Variants in ASPRV1 observed in about 807,000 individuals in gnomAD.
ASPRV1 encodes retroviral-like aspartic protease 1.
In ASPRV1, 7 loss-of-function variants were observed where a neutral mutation model predicts 11.0. The observed-to-expected ratio is 0.64, with a 90% CI of 0.36 to 1.20. The LOEUF (loss-of-function observed/expected upper bound fraction) is 1.20, where lower values mean the gene tolerates loss of function less well. ASPRV1 is among the 50% of genes most tolerant of loss of function. The pLI is 0.02. For missense variants in ASPRV1, 299 were observed against 320.0 expected (o/e 0.93, Z 0.50); for synonymous variants, 136 against 138.4 (o/e 0.98, Z 0.12).
At chr2:69,936,999 C>A in the ASPRV1 span, 1 of 635,916 alleles carries the variant, frequency 1.6e-6, no homozygotes, top group East Asian at 3.4e-5. Flanking sequence ...GAGAGCTCAC[C>A]CCCAGAATCC....
the ASPRV1 span, among the ~76,000 whole-genome samples, chr2:70,006,489 G>C: frequency 6.6e-6 from 1 of 152,134 alleles, no homozygotes; most frequent in Non-Finnish European, 1.5e-5. Flanking sequence ...TCAAACTTAG[G>C]AGACCAAGAG....
the ASPRV1 span, among the ~76,000 whole-genome samples, chr2:69,989,642 G>A: frequency 1.8e-3 from 279 of 152,358 alleles, no homozygotes; most frequent in African/African-American, 6.6e-3. Context: ...ACAGCCTGAT[G>A]AGCACGGGAA....
At chr2:70,024,934 C>T in the ASPRV1 span, among the ~76,000 whole-genome samples, 1 of 152,280 alleles carries the variant, frequency 6.6e-6, no homozygotes, top group Non-Finnish European at 1.5e-5. Flanking sequence ...TGACAGATGT[C>T]ATAGCTCTGA....
At chr2:69,990,564 A>G in the ASPRV1 span, among the ~76,000 whole-genome samples, 3 of 151,990 alleles carry the variant, frequency 2.0e-5, no homozygotes, top group East Asian at 5.8e-4. Context: ...TGTAGCCTCG[A>G]CATCTAGGGC....
At chr2:70,009,434 A>G in the ASPRV1 span, among the ~76,000 whole-genome samples, 1 of 151,980 alleles carries the variant, frequency 6.6e-6, no homozygotes, top group Admixed American at 6.5e-5. Context: ...GGTTCAAGCG[A>G]TTCTCCTGCC....
the ASPRV1 span, among the ~76,000 whole-genome samples, chr2:70,041,323 A>G: frequency 6.6e-6 from 1 of 152,230 alleles, no homozygotes; most frequent in Non-Finnish European, 1.5e-5. Flanking sequence ...AATGGCATGC[A>G]GGGGAAGTAA....
At chr2:70,007,305 G>C in the ASPRV1 span, among the ~76,000 whole-genome samples, 1 of 152,084 alleles carries the variant, frequency 6.6e-6, no homozygotes, top group Non-Finnish European at 1.5e-5. Flanking sequence ...ATCACCTGAG[G>C]TCAGGAGTCC....
chr2:70,060,149 C>T, the ASPRV1 span: 3 of 151,922 alleles, frequency 2.0e-5, no homozygotes, highest in East Asian at 5.8e-4. Flanking sequence ...TGAGACCAGC[C>T]TGGCCAACAT....
chr2:70,082,017 T>G, the ASPRV1 span, among the ~76,000 whole-genome samples: 34,330 of 151,872 alleles, frequency 0.23, 6,954 homozygotes, highest in African/African-American at 0.51. Context: ...TCACTCTGTC[T>G]CCCAGGCTGG....
the ASPRV1 span, chr2:69,995,269 G>C: frequency 6.6e-6 from 1 of 151,118 alleles, no homozygotes; most frequent in African/African-American, 2.4e-5. Context: ...GGCACCTGTA[G>C]TCCCAGCTAC....
chr2:70,069,327 G>C, the ASPRV1 span: 2 of 152,212 alleles, frequency 1.3e-5, no homozygotes, highest in Non-Finnish European at 2.9e-5. Context: ...AAGATCAACA[G>C]AGCCAGGAAC....
chr2:70,041,429 C>T, the ASPRV1 span, among the ~76,000 whole-genome samples: 342 of 152,252 alleles, frequency 2.2e-3, 4 homozygotes, highest in South Asian at 6.6e-3. Context: ...CCTGTAACAC[C>T]GCCCTGCCCA....
At chr2:70,040,317 T>C in the ASPRV1 span, among the ~76,000 whole-genome samples, 4 of 152,282 alleles carry the variant, frequency 2.6e-5, no homozygotes, top group African/African-American at 9.6e-5. Flanking sequence ...GAAGCTGCAG[T>C]GAACTGTGAT....
the ASPRV1 span, chr2:69,935,318 C>A: frequency 6.6e-7 from 1 of 1,522,000 alleles, no homozygotes; most frequent in East Asian, 2.3e-5. Context: ...CACTGTGAAA[C>A]TCTCAAATGC....
the ASPRV1 span, among the ~76,000 whole-genome samples, chr2:70,027,259 CAAAAAAA>C: frequency 3.8e-4 from 19 of 49,664 alleles, no homozygotes; most frequent in Non-Finnish European, 5.1e-4. Context: ...CCCTGTCTCT[CAAAAAAA>C]AAAAAAAAAA....
At chr2:69,967,804 G>A in the ASPRV1 span, among the ~76,000 whole-genome samples, 1 of 152,212 alleles carries the variant, frequency 6.6e-6, no homozygotes, top group African/African-American at 2.4e-5. Context: ...AAATAGGCCA[G>A]GCATGGTGGC....
At chr2:70,064,618 T>C in the ASPRV1 span, among the ~76,000 whole-genome samples, 1 of 151,994 alleles carries the variant, frequency 6.6e-6, no homozygotes, top group Non-Finnish European at 1.5e-5. Flanking sequence ...AGAAAGCACA[T>C]CTAAAGAGAT....
the ASPRV1 span, among the ~76,000 whole-genome samples, chr2:70,079,134 T>C: frequency 6.6e-6 from 1 of 152,140 alleles, no homozygotes; most frequent in African/African-American, 2.4e-5. Flanking sequence ...TTTAATAAGT[T>C]CAACAAACTA....
chr2:69,950,884 TAAATAATA>T, the ASPRV1 span, among the ~76,000 whole-genome samples: 4 of 143,756 alleles, frequency 2.8e-5, no homozygotes, highest in African/African-American at 1.1e-4. Flanking sequence ...AATAAATAAA[TAAATAATA>T]AAAAATAAAA....
Sources: allele counts gnomAD v4.1 joint callset (sites outside exome capture counted in the v4.1 genomes callset), GRCh38; gene constraint gnomAD v4.1.1; transcripts MANE v1.5; gene names NCBI Gene and HGNC (gene_info 2026-07-23, HGNC 2026-07-21).